RAPGEF4: variants seen among roughly 807,000 people sequenced by gnomAD.
The protein encoded by RAPGEF4 is RAP guanine-nucleotide-exchange factor (GEF) 4.
A neutral mutation model predicts 147.9 loss-of-function variants in RAPGEF4; 66 were observed. The ratio of observed to expected loss-of-function variants is 0.45; its 90% CI spans 0.37 to 0.55. RAPGEF4 has a LOEUF of 0.55. RAPGEF4 is among the 20% of genes least tolerant of loss of function. RAPGEF4 has a pLI of 0.00. For missense variants in RAPGEF4, 1,071 were observed against 1,257.3 expected (o/e 0.85, Z 2.24); for synonymous variants, 419 against 442.7 (o/e 0.95, Z 0.67).
At chr2:172,743,177 C>T (rs1381862812) in intron 1 of RAPGEF4, among the ~76,000 whole-genome samples, 2 of 152,098 alleles carry the variant, frequency 1.3e-5, no homozygotes, top group South Asian at 2.1e-4. Context: ...AGTACTTTCA[C>T]GTCACAGATG....
chr2:173,048,687 G>A (rs188767559), intron 30 of RAPGEF4, 33 bp downstream of exon 30: 16 of 1,613,684 alleles, frequency 9.9e-6, no homozygotes, highest in Non-Finnish European at 1.3e-5. Flanking sequence ...TTACAATGTA[G>A]ATGTTGGTGA....
rs555642064 is a variant in RAPGEF4, at chr2:172,784,467, G to A, written c.66-10558G>A. Among the ~76,000 whole-genome samples the A allele has an allele frequency of 5.0e-4, 76 of 150,566 alleles. 1 individual carries two copies. In the South Asian group the frequency reaches 0.014, roughly 28 times the overall value. On this transcript the variant is annotated intron_variant, in intron 1 of 30. Transcript: ENST00000397081. ...CAGGAAGCAGAGCTTGCAGTGCGCCGAGATCGTGCCACTGCACTCCAGCCT... is the reference window on the plus strand; with the variant it reads ...CAGGAAGCAGAGCTTGCAGTGCGCCAAGATCGTGCCACTGCACTCCAGCCT...
chr2:172,891,125 T>C (rs563556181), intron 4 of RAPGEF4, among the ~76,000 whole-genome samples: 1 of 152,162 alleles, frequency 6.6e-6, no homozygotes, highest in South Asian at 2.1e-4. Flanking sequence ...AGTGAGACTT[T>C]GTCTTTAAGG....
At chr2:172,840,789 T>C (rs1224225408) in intron 4 of RAPGEF4, among the ~76,000 whole-genome samples, 1 of 152,256 alleles carries the variant, frequency 6.6e-6, no homozygotes, top group African/African-American at 2.4e-5. Context: ...TTGGGATGTC[T>C]TGTTAGCTCT....
chr2:172,819,611 G>A (rs1365157282), intron 4 of RAPGEF4, among the ~76,000 whole-genome samples: 6 of 149,874 alleles, frequency 4.0e-5, no homozygotes, highest in Middle Eastern at 3.5e-3. Context: ...GACTACAGGC[G>A]CCCGCCACTA....
chr2:172,894,743 G>A (rs1698295798), intron 4 of RAPGEF4, among the ~76,000 whole-genome samples: 1 of 151,988 alleles, frequency 6.6e-6, no homozygotes, highest in African/African-American at 2.4e-5. Context: ...TTGCTCTGAG[G>A]GTGCATTTCA....
chr2:172,911,372 G>T (rs879354153), intron 4 of RAPGEF4, among the ~76,000 whole-genome samples: 1 of 152,210 alleles, frequency 6.6e-6, no homozygotes, highest in Non-Finnish European at 1.5e-5. Flanking sequence ...TTACCAATCT[G>T]TAGCAATTCT....
rs962842245 is a variant in RAPGEF4 at position 173,051,837 on chromosome 2, T to C, written c.*70T>C. 4.5e-6 allele frequency: 7 copies of C among 1,554,026 alleles called. No individual in the cohort carries two copies. The African/African-American group carries it at 5.4e-5, about 12-fold the overall frequency. On this transcript the variant is annotated 3_prime_UTR_variant, in exon 31 of 31. Coordinates refer to ENST00000397081, the MANE Select transcript of RAPGEF4 (RefSeq NM_007023.4). Reference sequence around the variant, plus strand: ...CTTTCAAAAATGCCATTTATGCTACTACTGACTGTATTGCCACTAGAGAAT... The same window carrying C: ...CTTTCAAAAATGCCATTTATGCTACCACTGACTGTATTGCCACTAGAGAAT...
intron 1 of RAPGEF4, among the ~76,000 whole-genome samples, chr2:172,774,408 C>T (rs1683950965): frequency 6.6e-6 from 1 of 152,194 alleles, no homozygotes; most frequent in African/African-American, 2.4e-5. Context: ...TTTCTCAGAA[C>T]CACTAGAACT....
At chr2:172,862,043 C>T (rs540188046) in intron 4 of RAPGEF4, among the ~76,000 whole-genome samples, 1 of 152,056 alleles carries the variant, frequency 6.6e-6, no homozygotes, top group Non-Finnish European at 1.5e-5. Flanking sequence ...ATTGATTAGG[C>T]GATGGGAAGT....
chr2:172,810,755 T>A (rs189215495), intron 3 of RAPGEF4, among the ~76,000 whole-genome samples: 1 of 152,284 alleles, frequency 6.6e-6, no homozygotes, highest in Admixed American at 6.5e-5. Flanking sequence ...ATGCAAGTGG[T>A]AAGTGACACT....
intron 1 of RAPGEF4, among the ~76,000 whole-genome samples, chr2:172,755,671 C>T (rs1181250122): frequency 2.0e-5 from 3 of 152,214 alleles, no homozygotes; most frequent in African/African-American, 7.2e-5. Flanking sequence ...GCTGGGATTA[C>T]AGGCGTGAGC....
At chr2:172,857,186 A>ACG (rs1386386427) in intron 4 of RAPGEF4, among the ~76,000 whole-genome samples, 1 of 152,098 alleles carries the variant, frequency 6.6e-6, no homozygotes, top group Non-Finnish European at 1.5e-5. Flanking sequence ...ACACACACAC[A>ACG]CACACACACA....
chr2:173,042,773 C>G lies in RAPGEF4; in HGVS notation c.2854-5827C>G, dbSNP rs1467118364. ...CTCCTCCCTGTGGTGCTGTGTCTGT[C>G]CTCCAGTGTCCCTCCCTGAGTACAT... is the stretch of plus-strand genomic sequence containing the variant. On this transcript the variant is annotated intron_variant, in intron 29 of 30. Transcript: ENST00000397081. This position sits in a 1 kb window ranked among gnomAD's most constrained non-coding sequence, Gnocchi z 4.2. Among the ~76,000 whole-genome samples the G allele has an allele frequency of 6.6e-6, 1 of 152,234 alleles. No individual in the cohort carries two copies. Among genetic ancestry groups the G allele is most frequent in the Non-Finnish European group, 1.5e-5 (1 of 68,038 alleles).
chr2:172,961,355 G>A (rs1239828856), intron 8 of RAPGEF4, 127 bp downstream of exon 8: 1 of 688,562 alleles, frequency 1.5e-6, no homozygotes, highest in Non-Finnish European at 2.5e-6. Flanking sequence ...GGTTCTGGAA[G>A]GTTAGGCTTG....
At chr2:172,988,613 T>G in intron 13 of RAPGEF4, 80 bp from the exon 14 acceptor site, 1 of 1,457,672 alleles carries the variant, frequency 6.9e-7, no homozygotes, top group Non-Finnish European at 9.5e-7. Context: ...TTTAGGGGCT[T>G]GGGGGTCTTG....
intron 4 of RAPGEF4, among the ~76,000 whole-genome samples, chr2:172,844,275 A>G (rs1398127732): frequency 6.6e-6 from 1 of 152,084 alleles, no homozygotes; most frequent in Non-Finnish European, 1.5e-5. Flanking sequence ...GCTGAGCTGG[A>G]CCTGTGAGAC....
In RAPGEF4 at chr2:172,735,889, G is replaced by T. The variant is rs1241813889; in HGVS notation, c.-95G>T. 1.8e-6 allele frequency: 2 copies of T among 1,089,316 alleles called. No homozygotes were observed. The highest frequency in any genetic ancestry group is 7.5e-5 in the East Asian group (2 of 26,564). 67.5% of individuals were successfully genotyped at this position (1,089,316 alleles called of 1,614,324 possible). On this transcript the variant is annotated 5_prime_UTR_variant, in exon 1 of 31. Coordinates refer to ENST00000397081, the MANE Select transcript of RAPGEF4 (RefSeq NM_007023.4). ...TGGTCGCCAGGCGTCCGGGAGGAGC[G>T]GGGTCCGCGCGGCGGACGAGGCGGG...
rs967874533 is a variant in RAPGEF4, at chr2:173,006,117, G to T, written c.1658+4773G>T. ...GTGAAAACCTTTTTAACATTTAGGA[G>T]AAAAAAACAGGAAGCCTATAACTCC... On this transcript the variant is annotated intron_variant, in intron 17 of 30. Coordinates refer to ENST00000397081, the MANE Select transcript of RAPGEF4 (RefSeq NM_007023.4). Among the ~76,000 whole-genome samples the T allele has an allele frequency of 2.5e-4, 38 of 151,936 alleles. 1 individual carries two copies. Among genetic ancestry groups the T allele is most frequent in the Non-Finnish European group, 1.5e-5 (1 of 67,972 alleles).
Sources: allele counts gnomAD v4.1 joint callset (sites outside exome capture counted in the v4.1 genomes callset), GRCh38; gene constraint gnomAD v4.1.1; non-coding constraint Gnocchi (gnomAD v3.1); transcripts MANE v1.5; gene names NCBI Gene and HGNC (gene_info 2026-07-23, HGNC 2026-07-21).